ZPBP: variants seen among roughly 807,000 people sequenced by gnomAD.
ZPBP encodes the protein zona pellucida-binding protein 1.
In ZPBP, 26 loss-of-function variants were observed where a neutral mutation model predicts 44.8. The observed-to-expected ratio is 0.58, with a 90% CI of 0.43 to 0.81. ZPBP has a LOEUF of 0.81. ZPBP is among the 30% of genes least tolerant of loss of function. The pLI is 0.00. For missense variants in ZPBP, 409 were observed against 434.0 expected, an observed-to-expected ratio of 0.94 and a Z score of 0.51; for synonymous variants, 174 against 153.2, an observed-to-expected ratio of 1.14 and a Z score of -1.00.
the ZPBP span, among the ~76,000 whole-genome samples, chr7:49,843,744 C>A: frequency 3.3e-5 from 5 of 152,252 alleles, no homozygotes; most frequent in East Asian, 9.7e-4. Flanking sequence ...GGATGAGAAG[C>A]GAAGATTTGA....
At chr7:49,852,745 TAATC>T (rs1241058528) in intron 2 of ZPBP, among the ~76,000 whole-genome samples, 2 of 152,102 alleles carry the variant, frequency 1.3e-5, no homozygotes, top group Admixed American at 1.3e-4. Flanking sequence ...GTGATCGTCT[TAATC>T]AACTTCTTCC....
intron 5 of ZPBP, among the ~76,000 whole-genome samples, chr7:50,022,261 C>CAGT (rs1342212236): frequency 6.6e-6 from 1 of 151,824 alleles, no homozygotes; most frequent in East Asian, 1.9e-4. Flanking sequence ...ATATAACAGT[C>CAGT]AGTATTCTTT....
At chr7:49,932,739 G>C (rs934330234), downstream of ZPBP, among the ~76,000 whole-genome samples, 23 of 152,214 alleles carry the variant, frequency 1.5e-4, no homozygotes, top group African/African-American at 5.5e-4. Context: ...GTTTAGCTGT[G>C]TCCCCACCCA....
chr7:50,051,369 G>T (rs1201317622), intron 4 of ZPBP, among the ~76,000 whole-genome samples: 4 of 152,120 alleles, frequency 2.6e-5, no homozygotes, highest in Non-Finnish European at 4.4e-5. Context: ...GTGGAAGATG[G>T]TGTGGCAATT....
At chr7:49,962,666 T>A (rs1344109790) in intron 7 of ZPBP, among the ~76,000 whole-genome samples, 1 of 151,734 alleles carries the variant, frequency 6.6e-6, no homozygotes. Flanking sequence ...AGCAAATAGA[T>A]CTTAAGAAAA....
At chr7:49,873,969 A>G (rs1034016461) in intron 2 of ZPBP, among the ~76,000 whole-genome samples, 1 of 152,084 alleles carries the variant, frequency 6.6e-6, no homozygotes, top group African/African-American at 2.4e-5. Context: ...ATTTATTGCA[A>G]ATTCAAAGAA....
intron 4 of ZPBP, among the ~76,000 whole-genome samples, chr7:50,033,931 G>C (rs1318459148): frequency 6.6e-6 from 1 of 152,044 alleles, no homozygotes; most frequent in African/African-American, 2.4e-5. Flanking sequence ...GACCTCAGGT[G>C]ATCCACTTGC....
intron 7 of ZPBP, chr7:49,940,867 C>G (rs1794850117): frequency 3.6e-6 from 3 of 843,148 alleles, no homozygotes; most frequent in Non-Finnish European, 4.3e-6. Context: ...CTGAAAACCA[C>G]AAGGAGACAA....
intron 7 of ZPBP, among the ~76,000 whole-genome samples, chr7:49,965,922 AC>A (rs1796040179): frequency 2.0e-5 from 3 of 152,106 alleles, no homozygotes; most frequent in South Asian, 4.1e-4. Flanking sequence ...GGAGTCATAA[AC>A]AACTGAGACA....
chr7:49,966,439 C>G (rs114529886), intron 7 of ZPBP, among the ~76,000 whole-genome samples: 1 of 152,142 alleles, frequency 6.6e-6, no homozygotes, highest in African/African-American at 2.4e-5. Flanking sequence ...ATACCATACA[C>G]CAGGCCATAA....
chr7:50,025,560 G>T (rs1799284614), intron 5 of ZPBP, among the ~76,000 whole-genome samples: 1 of 151,744 alleles, frequency 6.6e-6, no homozygotes, highest in African/African-American at 2.4e-5. Flanking sequence ...AAAAAATGAT[G>T]CTTGACCAAC....
chr7:50,052,533 A>C (rs1345984154), intron 4 of ZPBP, among the ~76,000 whole-genome samples: 3 of 152,180 alleles, frequency 2.0e-5, no homozygotes, highest in Non-Finnish European at 4.4e-5. Context: ...ATTCTGAAAA[A>C]CAGTTTGGCA....
At chr7:49,946,534 G>A (rs982839421) in intron 7 of ZPBP, among the ~76,000 whole-genome samples, 10 of 151,768 alleles carry the variant, frequency 6.6e-5, no homozygotes, top group Admixed American at 4.6e-4. Flanking sequence ...CTCTCTCCTG[G>A]CCTATAAGGT....
intron 1 of ZPBP, among the ~76,000 whole-genome samples, chr7:49,924,754 C>A (rs1463953468): frequency 2.6e-5 from 4 of 152,070 alleles, no homozygotes; most frequent in Admixed American, 1.3e-4. Flanking sequence ...TAGTAAAAAC[C>A]CTTGACATAA....
chr7:49,913,648 C>T (rs1354573806), intron 1 of ZPBP: 3 of 152,240 alleles, frequency 2.0e-5, no homozygotes, highest in African/African-American at 7.2e-5. Flanking sequence ...CTTGGACTTT[C>T]GGTCTCTGGC....
chr7:49,973,046 C>T (rs1796362359), intron 7 of ZPBP, among the ~76,000 whole-genome samples: 1 of 151,948 alleles, frequency 6.6e-6, no homozygotes, highest in African/African-American at 2.4e-5. Context: ...GAAGTTGGAC[C>T]CTTAACTTAC....
chr7:50,001,771 T>C (rs1307634588), intron 6 of ZPBP, among the ~76,000 whole-genome samples: 1 of 152,144 alleles, frequency 6.6e-6, no homozygotes, highest in Non-Finnish European at 1.5e-5. Flanking sequence ...ACCCCTGACT[T>C]GCAAAGATGG....
chr7:50,052,283 T>C (rs1328463574), intron 4 of ZPBP, among the ~76,000 whole-genome samples: 1 of 151,910 alleles, frequency 6.6e-6, no homozygotes, highest in Non-Finnish European at 1.5e-5. Flanking sequence ...GAAAAAATGG[T>C]CAAAAGATAT....
At chr7:49,856,442 A>G (rs988166292) in intron 2 of ZPBP, among the ~76,000 whole-genome samples, 1 of 152,190 alleles carries the variant, frequency 6.6e-6, no homozygotes, top group Non-Finnish European at 1.5e-5. Context: ...TGTTGGCCCC[A>G]TGCTTCTTGT....
Sources: gnomAD v4.1 joint callset for allele counts (sites outside exome capture counted in the v4.1 genomes callset) on GRCh38, gnomAD v4.1.1 for gene constraint, MANE v1.5 for transcripts, NCBI Gene and HGNC (gene_info 2026-07-23, HGNC 2026-07-21) for gene names.